Variants in AGO2 observed in about 807,000 individuals in gnomAD.
AGO2 encodes argonaute RISC catalytic component 2.
In AGO2, 5 loss-of-function variants were observed where a neutral mutation model predicts 102.3. The ratio of observed to expected loss-of-function variants is 0.05; its 90% CI spans 0.03 to 0.10. AGO2 has a LOEUF of 0.10. Among genes scored for constraint, AGO2 ranks in the 10% least tolerant of loss-of-function variants. The pLI is 1.00. For synonymous variants in AGO2, 449 were observed against 473.1 expected, an observed-to-expected ratio of 0.95 and a Z score of 0.66; for missense variants, 541 against 1,183.7, an observed-to-expected ratio of 0.46 and a Z score of 7.97.
intron 17 of AGO2, 60 bp downstream of exon 17, chr8:140,535,408 A>C: frequency 1.3e-6 from 2 of 1,550,372 alleles, no homozygotes; most frequent in Non-Finnish European, 1.8e-6. Context: ...GTGTTTGCTG[A>C]ATGTGGGGAT....
At chr8:140,605,383 C>G (rs992183261) in intron 1 of AGO2, among the ~76,000 whole-genome samples, 3 of 152,194 alleles carry the variant, frequency 2.0e-5, no homozygotes, top group African/African-American at 7.2e-5. Flanking sequence ...AGGTGTGAGC[C>G]AATGCACCCG....
chr8:140,601,256 C>T (rs1375635807), intron 1 of AGO2, among the ~76,000 whole-genome samples: 1 of 152,198 alleles, frequency 6.6e-6, no homozygotes, highest in Non-Finnish European at 1.5e-5. Context: ...CAAATCCCTG[C>T]GGTTTGCTCA....
chr8:140,565,758 A>G (rs1298269489), intron 3 of AGO2, among the ~76,000 whole-genome samples: 1 of 152,182 alleles, frequency 6.6e-6, no homozygotes, highest in Non-Finnish European at 1.5e-5. Context: ...ACAGACTATT[A>G]GTAGTAGTTT....
chr8:140,614,455 AAT>A (rs1440339937), intron 1 of AGO2, among the ~76,000 whole-genome samples: 20 of 152,254 alleles, frequency 1.3e-4, no homozygotes, highest in Admixed American at 1.2e-3. Context: ...ATTCTGAGCC[AAT>A]CTTTTCCTTT....
chr8:140,631,756 T>C (rs370846378), intron 1 of AGO2, among the ~76,000 whole-genome samples: 1 of 152,098 alleles, frequency 6.6e-6, no homozygotes, highest in Non-Finnish European at 1.5e-5. Flanking sequence ...GGCACTGGGG[T>C]ATGTTCAAAA....
At position 140,520,348 on chromosome 8, in the gene AGO2, TAC is replaced by T. The variant is rs1432240548; in HGVS notation, c.*11694_*11695del. ...GCCAAACTTTTAGTATTAGTTTATA[TAC>T]ACACAGTAAGAAACAAAACAAGTAA... is the stretch of plus-strand genomic sequence containing the variant. On this transcript the variant is annotated 3_prime_UTR_variant, in exon 19 of 19. Transcript: ENST00000220592. 1 of 152,220 alleles carries T rather than the reference TAC, an allele frequency of 6.6e-6. No homozygotes were observed. The highest frequency in any genetic ancestry group is 1.5e-5 in the Non-Finnish European group (1 of 68,032). 9.4% of individuals were successfully genotyped at this position (152,220 alleles called of 1,614,324 possible). A position where few individuals can be genotyped will look rare whatever the true frequency, so the allele number is the denominator to read the frequency against.
At chr8:140,595,935 TATA>T (rs1325106740) in intron 1 of AGO2, among the ~76,000 whole-genome samples, 19 of 68,118 alleles carry the variant, frequency 2.8e-4, no homozygotes, top group Middle Eastern at 0.016. Flanking sequence ...ATATAAATTA[TATA>T]ATATATATTT....
intron 1 of AGO2, among the ~76,000 whole-genome samples, chr8:140,620,217 A>G (rs970644482): frequency 6.6e-6 from 1 of 152,194 alleles, no homozygotes; most frequent in Non-Finnish European, 1.5e-5. Flanking sequence ...AGAAGTGAGC[A>G]TGGACTATCC....
chr8:140,549,010 G>A (rs867638136), intron 12 of AGO2, 104 bp downstream of exon 12: 30 of 1,389,376 alleles, frequency 2.2e-5, no homozygotes, highest in East Asian at 1.2e-4. Context: ...CCCAAAAGGA[G>A]CACCTTTCTC....
At position 140,523,113 on chromosome 8, in the gene AGO2, C is replaced by CA. The variant is rs2072444065; in HGVS notation, c.*8930dup. ...AGTTTATACAGAAACTGCCAATTCA[C>CA]AAAACAGCACTGCATGGTTTCTATA... is the stretch of plus-strand genomic sequence containing the variant. On this transcript the variant is annotated 3_prime_UTR_variant, in exon 19 of 19. Transcript: ENST00000220592. The CA allele has an allele frequency of 6.6e-6, 1 of 152,168 alleles. No individual in the cohort carries two copies. Among genetic ancestry groups the CA allele is most frequent in the Admixed American group, 6.5e-5 (1 of 15,274 alleles). 9.4% of individuals were successfully genotyped at this position (152,168 alleles called of 1,614,324 possible). A position where few individuals can be genotyped will look rare whatever the true frequency, so the allele number is the denominator to read the frequency against.
rs769955031 is a variant in AGO2 at position 140,562,514 on chromosome 8, T to C, written c.457A>G (p.Ser153Gly). ...GCCTGGATCGTCTCAAAAGGGACGC[T>C]GGGCAGCCGCCCTGAAAGTGCATCG... ...LHDALSGRLP[S>G]VPFETIQALD... The change falls in exon 4 of 19, where the codon AGC becomes GGC. Residue 153 changes from serine (S) to glycine (G), a missense_variant. Physicochemically the swap from Ser to Gly is moderately conservative, Grantham distance 56 (BLOSUM62 0). This residue lies in a region of AGO2 where 147 missense variants were observed against 204.1 expected (regional missense o/e 0.72). Transcript: ENST00000220592. 4.3e-6 allele frequency: 7 copies of C among 1,614,066 alleles called. No individual in the cohort carries two copies. The highest frequency in any genetic ancestry group is 1.1e-5 in the South Asian group (1 of 91,080).
chr8:140,541,566 C>A, intron 14 of AGO2: 1 of 502,292 alleles, frequency 2.0e-6, no homozygotes, highest in Non-Finnish European at 3.5e-6. Flanking sequence ...TACTGAAGTA[C>A]AAAAGTTTGC....
At chr8:140,560,614 G>A (rs2073183429) in intron 4 of AGO2, 104 bp from the exon 5 acceptor site, 2 of 1,368,510 alleles carry the variant, frequency 1.5e-6, no homozygotes, top group East Asian at 4.7e-5. Flanking sequence ...CCTCATCAGA[G>A]TTCCGTTTCC....
chr8:140,583,367 TATAG>T (rs1455567921), intron 2 of AGO2, among the ~76,000 whole-genome samples: 7 of 152,198 alleles, frequency 4.6e-5, no homozygotes, highest in African/African-American at 1.7e-4. Flanking sequence ...CTCTCATATC[TATAG>T]ATATATGTAC....
rs1371754506 is a variant in AGO2, at chr8:140,539,248, TTGTGA to T, written c.2169+67_2169+71del. 1 of 382,264 alleles carries T rather than the reference TTGTGA, an allele frequency of 2.6e-6. No homozygotes were observed. The highest frequency in any genetic ancestry group is 3.3e-6 in the Non-Finnish European group (1 of 303,974). 23.7% of individuals were successfully genotyped at this position (382,264 alleles called of 1,614,324 possible). A position where few individuals can be genotyped will look rare whatever the true frequency, so the allele number is the denominator to read the frequency against. On this transcript the variant is annotated intron_variant, in intron 16 of 18. Coordinates refer to ENST00000220592, the MANE Select transcript of AGO2 (RefSeq NM_012154.5). This position sits in a 1 kb window ranked among gnomAD's most constrained non-coding sequence, Gnocchi z 4.7. ...GCGGCACTGTGGCCAGCAGGTTCTC[TTGTGA>T]GTGTGCTCGGGGTGTGGGGCTGAGG... is the stretch of plus-strand genomic sequence containing the variant.
At chr8:140,598,390 G>A (rs889162026) in intron 1 of AGO2, among the ~76,000 whole-genome samples, 3 of 152,276 alleles carry the variant, frequency 2.0e-5, no homozygotes, top group Non-Finnish European at 2.9e-5. Flanking sequence ...TCTACCCAGA[G>A]AGAGTTTGCA....
At chr8:140,637,324 G>A (rs1312422398), upstream of AGO2, 1 of 152,094 alleles carries the variant, frequency 6.6e-6, no homozygotes, top group Non-Finnish European at 1.5e-5. Flanking sequence ...CCCAAAACTC[G>A]TTTTGGCCCG....
chr8:140,560,288 C>A, intron 5 of AGO2, 86 bp downstream of exon 5: 1 of 1,547,178 alleles, frequency 6.5e-7, no homozygotes, highest in Admixed American at 1.8e-5. Context: ...GTGGAGCTGG[C>A]CACATGCCAC....
intron 1 of AGO2, among the ~76,000 whole-genome samples, chr8:140,625,349 G>T (rs1408666294): frequency 1.3e-5 from 2 of 152,040 alleles, no homozygotes; most frequent in Non-Finnish European, 2.9e-5. Flanking sequence ...CAGGTGATCC[G>T]CCCGCCTTGG....
Sources: gnomAD v4.1 joint callset for allele counts (sites outside exome capture counted in the v4.1 genomes callset) on GRCh38, gnomAD v4.1.1 for gene constraint, gnomAD v4.1.1 regional missense constraint, Gnocchi (gnomAD v3.1) non-coding constraint, MANE v1.5 for transcripts, NCBI Gene and HGNC (gene_info 2026-07-23, HGNC 2026-07-21) for gene names.